ERC2: variants seen among roughly 807,000 people sequenced by gnomAD.
The protein encoded by ERC2 is ELKS/RAB6-interacting/CAST family member 2, also known as ERC protein 2.
Under a neutral mutation model 114.8 loss-of-function variants are expected in ERC2, and 42 were observed. The observed-to-expected ratio is 0.37, with a 90% CI of 0.29 to 0.47. ERC2 has a LOEUF of 0.47. ERC2 is among the 20% of genes least tolerant of loss of function. The probability of loss-of-function intolerance (pLI) is 0.99; values close to 1 mark genes in which losing one functional copy is unlikely to be tolerated. For missense variants in ERC2, 939 were observed against 1,150.7 expected (o/e 0.82, Z 2.66); for synonymous variants, 454 against 425.5 (o/e 1.07, Z -0.82).
intron 3 of ERC2, among the ~76,000 whole-genome samples, chr3:56,294,993 C>A (rs2055336793): frequency 6.6e-6 from 1 of 152,142 alleles, no homozygotes; most frequent in African/African-American, 2.4e-5. Context: ...CAAATATAAC[C>A]CACATCAGAG....
Position 55,797,329 on chromosome 3 carries a change from A to G in ERC2, c.2565-62411T>C, listed in dbSNP as rs182300283. On this transcript the variant is annotated intron_variant, in intron 14 of 17. Coordinates refer to ENST00000288221, the MANE Select transcript of ERC2 (RefSeq NM_015576.3). ...AGCAGAGGTTGCTCTGAGCACAAAC[A>G]CCATGGTCATTTGTACAACCGAGAG... is the stretch of plus-strand genomic sequence containing the variant. Among the ~76,000 whole-genome samples, 15 of 152,318 alleles carry G rather than the reference A, an allele frequency of 9.8e-5. No individual in the cohort carries two copies. In the East Asian group the frequency reaches 2.9e-3, roughly 29 times the overall value.
intron 17 of ERC2, among the ~76,000 whole-genome samples, chr3:55,630,491 C>T (rs59462463): frequency 0.11 from 16,338 of 152,158 alleles, 1,211 homozygotes; most frequent in African/African-American, 0.2. Context: ...TTTATACTTC[C>T]TTACTGACTC....
intron 3 of ERC2, among the ~76,000 whole-genome samples, chr3:56,197,524 T>G (rs1378321392): frequency 6.6e-6 from 1 of 152,206 alleles, no homozygotes; most frequent in African/African-American, 2.4e-5. Context: ...AGTCCAGTTG[T>G]GTACACAGTG....
chr3:56,408,849 C>G (rs1576813324), intron 2 of ERC2, among the ~76,000 whole-genome samples: 2 of 151,604 alleles, frequency 1.3e-5, no homozygotes, highest in East Asian at 3.9e-4. Flanking sequence ...AGCAGCAACG[C>G]AGGCAGGGCA....
At chr3:56,020,266 AT>A (rs901769409) in intron 7 of ERC2, among the ~76,000 whole-genome samples, 31 of 151,972 alleles carry the variant, frequency 2.0e-4, no homozygotes, top group African/African-American at 7.0e-4. Context: ...CAAAGATGAA[AT>A]TTTTTTTCTT....
At chr3:56,100,507 C>T (rs1430662871) in intron 6 of ERC2, among the ~76,000 whole-genome samples, 1 of 152,158 alleles carries the variant, frequency 6.6e-6, no homozygotes, top group Non-Finnish European at 1.5e-5. Context: ...ATTCTACACT[C>T]AACAAAACCA....
intron 2 of ERC2, among the ~76,000 whole-genome samples, chr3:56,414,254 C>T (rs1173220574): frequency 1.3e-5 from 2 of 152,190 alleles, no homozygotes; most frequent in African/African-American, 4.8e-5. Flanking sequence ...AGGCCAGGCA[C>T]CAGACTTTCA....
intron 7 of ERC2, among the ~76,000 whole-genome samples, chr3:56,077,127 G>A (rs1176287157): frequency 1.3e-5 from 2 of 152,146 alleles, no homozygotes; most frequent in Non-Finnish European, 2.9e-5. Flanking sequence ...AAGCTCCAAG[G>A]AGTCTCCAGA....
chr3:56,163,043 C>T (rs1169680735), intron 4 of ERC2, among the ~76,000 whole-genome samples: 1 of 151,966 alleles, frequency 6.6e-6, no homozygotes, highest in Non-Finnish European at 1.5e-5. Context: ...TTGCTCTGTC[C>T]CAGAGCTTTT....
At chr3:55,758,198 A>C (rs6797740) in intron 14 of ERC2, among the ~76,000 whole-genome samples, 51,402 of 152,020 alleles carry the variant, frequency 0.34, 10,479 homozygotes, top group African/African-American at 0.56. Flanking sequence ...CTCATATTTC[A>C]TCTAAAAATC....
intron 6 of ERC2, among the ~76,000 whole-genome samples, chr3:56,105,271 T>C (rs982576309): frequency 6.6e-6 from 1 of 152,092 alleles, no homozygotes; most frequent in African/African-American, 2.4e-5. Context: ...GTGAAGACTT[T>C]GGTTGATATG....
intron 15 of ERC2, among the ~76,000 whole-genome samples, chr3:55,728,072 A>G (rs1261040766): frequency 2.0e-5 from 3 of 152,172 alleles, no homozygotes; most frequent in African/African-American, 4.8e-5. Flanking sequence ...TGATTGATCA[A>G]TGATGTTTCT....
chr3:56,463,366 C>A (rs2063403264), intron 1 of ERC2, among the ~76,000 whole-genome samples: 1 of 152,242 alleles, frequency 6.6e-6, no homozygotes, highest in Admixed American at 6.5e-5. Context: ...ATACCACCCA[C>A]GTGTGTCTCA....
At chr3:56,007,996 T>C (rs1356937076) in intron 9 of ERC2, among the ~76,000 whole-genome samples, 1 of 152,118 alleles carries the variant, frequency 6.6e-6, no homozygotes, top group Non-Finnish European at 1.5e-5. Flanking sequence ...CACATATAGT[T>C]TGAATTCCAA....
chr3:56,423,574 G>A (rs1262799853), intron 2 of ERC2, among the ~76,000 whole-genome samples: 5 of 152,176 alleles, frequency 3.3e-5, no homozygotes, highest in Admixed American at 2.6e-4. Flanking sequence ...CCCAGCCATG[G>A]GTTTGTAAGA....
intron 14 of ERC2, among the ~76,000 whole-genome samples, chr3:55,821,758 T>C (rs1190865645): frequency 6.6e-6 from 1 of 152,210 alleles, no homozygotes; most frequent in African/African-American, 2.4e-5. Context: ...AATACATACA[T>C]ATTGAGAGCT....
At chr3:55,850,110 C>A (rs2061509098) in intron 14 of ERC2, among the ~76,000 whole-genome samples, 1 of 152,148 alleles carries the variant, frequency 6.6e-6, no homozygotes, top group South Asian at 2.1e-4. Context: ...TACTTCTCTG[C>A]CTCCACAATC....
intron 14 of ERC2, among the ~76,000 whole-genome samples, chr3:55,793,001 G>A (rs1407453769): frequency 6.6e-6 from 1 of 152,176 alleles, no homozygotes; most frequent in South Asian, 2.1e-4. Flanking sequence ...GCCCTGGGGA[G>A]TATATAGATT....
intron 3 of ERC2, among the ~76,000 whole-genome samples, chr3:56,243,851 T>A (rs908800985): frequency 1.3e-5 from 2 of 152,052 alleles, no homozygotes; most frequent in Non-Finnish European, 2.9e-5. Context: ...CGAGGCAAGT[T>A]CCCTTTAGAG....
Sources: gnomAD v4.1 joint callset for allele counts (sites outside exome capture counted in the v4.1 genomes callset) on GRCh38, gnomAD v4.1.1 for gene constraint, MANE v1.5 for transcripts, NCBI Gene and HGNC (gene_info 2026-07-23, HGNC 2026-07-21) for gene names.